Variants in GALNTL6 observed in about 807,000 individuals in gnomAD.
The protein encoded by GALNTL6 is polypeptide N-acetylgalactosaminyltransferase-like 6.
Under a neutral mutation model 73.7 loss-of-function variants are expected in GALNTL6, and 46 were observed. The ratio of observed to expected loss-of-function variants is 0.62; its 90% CI spans 0.49 to 0.80. GALNTL6 has a LOEUF of 0.80. GALNTL6 is among the 30% of genes least tolerant of loss of function. The pLI is 0.00. For synonymous variants in GALNTL6, 259 were observed against 263.7 expected, an observed-to-expected ratio of 0.98 and a Z score of 0.17; for missense variants, 604 against 755.0, an observed-to-expected ratio of 0.80 and a Z score of 2.34.
Position 172,508,867 on chromosome 4 carries a change from A to G in GALNTL6, c.553+160178A>G, listed in dbSNP as rs1325684462. Among the ~76,000 whole-genome samples, 10 of 40,334 alleles carry G rather than the reference A, an allele frequency of 2.5e-4. 5 individuals are homozygous for G. Among genetic ancestry groups the G allele is most frequent in the African/African-American group, 3.7e-4 (6 of 16,174 alleles). The allele number at this position is 40,334 out of a possible 152,430, so 26.5% of individuals were successfully genotyped here. On this transcript the variant is annotated intron_variant, in intron 5 of 12. Coordinates refer to ENST00000506823, the MANE Select transcript of GALNTL6 (RefSeq NM_001034845.3). ...AATTGTGAATTGTGCTGCTATAAACATGTGTGTGTGTCTTTTTTGTATAAT... is the reference window on the plus strand; with the variant it reads ...AATTGTGAATTGTGCTGCTATAAACGTGTGTGTGTGTCTTTTTTGTATAAT...
chr4:171,978,079 T>A (rs1263840475), intron 2 of GALNTL6, among the ~76,000 whole-genome samples: 1 of 152,126 alleles, frequency 6.6e-6, no homozygotes, highest in East Asian at 1.9e-4. Context: ...CTAATATACA[T>A]TATGTTGGCA....
chr4:172,718,943 A>T (rs1029726303), intron 5 of GALNTL6, among the ~76,000 whole-genome samples: 2 of 151,714 alleles, frequency 1.3e-5, no homozygotes, highest in Non-Finnish European at 2.9e-5. Flanking sequence ...AAGTGTTTGT[A>T]AAAACAACTC....
At chr4:172,554,278 A>G (rs932586598) in intron 5 of GALNTL6, among the ~76,000 whole-genome samples, 1 of 152,160 alleles carries the variant, frequency 6.6e-6, no homozygotes, top group Non-Finnish European at 1.5e-5. Context: ...CTCATGAACT[A>G]TATTGGTGAA....
At chr4:171,904,191 A>G (rs969656485) in intron 2 of GALNTL6, among the ~76,000 whole-genome samples, 13 of 152,152 alleles carry the variant, frequency 8.5e-5, no homozygotes, top group African/African-American at 2.9e-4. Flanking sequence ...CGATCAAATT[A>G]CTCCAAGCTA....
intron 5 of GALNTL6, among the ~76,000 whole-genome samples, chr4:172,587,467 A>G (rs377096076): frequency 4.6e-5 from 7 of 152,148 alleles, no homozygotes; most frequent in African/African-American, 1.7e-4. Context: ...ACATATTGTG[A>G]TGGCTTGTCT....
chr4:172,485,759 G>T (rs144951150), intron 5 of GALNTL6, among the ~76,000 whole-genome samples: 312 of 152,190 alleles, frequency 2.1e-3, no homozygotes, highest in Middle Eastern at 6.8e-3. Context: ...TGCAGTACTA[G>T]CATTTCATTT....
intron 2 of GALNTL6, among the ~76,000 whole-genome samples, chr4:172,158,797 T>A (rs1734364575): frequency 6.6e-6 from 1 of 152,192 alleles, no homozygotes; most frequent in Non-Finnish European, 1.5e-5. Flanking sequence ...GGAAGTTTTT[T>A]TCTGTGCAAA....
chr4:172,984,688 G>A (rs960056575), intron 10 of GALNTL6, among the ~76,000 whole-genome samples: 12 of 152,054 alleles, frequency 7.9e-5, no homozygotes, highest in Non-Finnish European at 2.9e-5. Flanking sequence ...TGGGTGACAG[G>A]ATCAGTAGAA....
At chr4:172,638,431 C>A (rs903112503) in intron 5 of GALNTL6, among the ~76,000 whole-genome samples, 2 of 152,116 alleles carry the variant, frequency 1.3e-5, no homozygotes, top group Non-Finnish European at 1.5e-5. Flanking sequence ...AGAATTCAAG[C>A]CTCATTAGTT....
intron 5 of GALNTL6, among the ~76,000 whole-genome samples, chr4:172,456,133 A>T (rs1426989157): frequency 1.3e-5 from 2 of 152,190 alleles, no homozygotes; most frequent in Non-Finnish European, 2.9e-5. Context: ...GAAAACTAAC[A>T]AACAGAAAGG....
intron 5 of GALNTL6, among the ~76,000 whole-genome samples, chr4:172,382,086 CA>C (rs1197872786): frequency 6.6e-6 from 1 of 152,192 alleles, no homozygotes; most frequent in Non-Finnish European, 1.5e-5. Flanking sequence ...TCTCCTGCCT[CA>C]GGCTCCCAAG....
intron 2 of GALNTL6, among the ~76,000 whole-genome samples, chr4:171,927,310 A>G (rs1738015335): frequency 6.6e-6 from 1 of 152,104 alleles, no homozygotes; most frequent in Admixed American, 6.6e-5. Flanking sequence ...GTTTTTTAGA[A>G]GAAGAGTCAG....
chr4:172,193,116 C>G (rs1241980766), intron 2 of GALNTL6, among the ~76,000 whole-genome samples: 2 of 152,208 alleles, frequency 1.3e-5, no homozygotes, highest in Non-Finnish European at 2.9e-5. Context: ...TCCAGGCAGT[C>G]CAGATGAGAG....
At chr4:173,025,717 C>A (rs1019774812) in intron 12 of GALNTL6, among the ~76,000 whole-genome samples, 7 of 152,172 alleles carry the variant, frequency 4.6e-5, no homozygotes, top group Non-Finnish European at 8.8e-5. Context: ...CATCTGGATC[C>A]TTCACAACCT....
chr4:172,676,893 C>G (rs1207264214), intron 5 of GALNTL6, among the ~76,000 whole-genome samples: 4 of 152,224 alleles, frequency 2.6e-5, no homozygotes, highest in Admixed American at 2.6e-4. Context: ...TCTAACATTT[C>G]TGAGTTTAAG....
At chr4:171,880,054 C>T (rs2110909676) in intron 2 of GALNTL6, among the ~76,000 whole-genome samples, 1 of 152,264 alleles carries the variant, frequency 6.6e-6, no homozygotes, top group African/African-American at 2.4e-5. Context: ...TCAGTAACAT[C>T]ATCCAAAACC....
rs1735913659 is a variant in GALNTL6, at chr4:172,550,410, T to C, written c.553+201721T>C. ...AAGTTATAGTTTCCTCATTAGTGAG[T>C]TTGAGCATCTGTTTAGAAGTTTGTT... On this transcript the variant is annotated intron_variant, in intron 5 of 12. Coordinates refer to ENST00000506823, the MANE Select transcript of GALNTL6 (RefSeq NM_001034845.3). Among the ~76,000 whole-genome samples the C allele has an allele frequency of 2.0e-5, 3 of 152,108 alleles. No homozygotes were observed. In the South Asian group the frequency reaches 6.2e-4, roughly 32 times the overall value.
At chr4:171,860,163 A>C (rs940096175) in intron 2 of GALNTL6, among the ~76,000 whole-genome samples, 3 of 152,230 alleles carry the variant, frequency 2.0e-5, no homozygotes, top group Non-Finnish European at 4.4e-5. Flanking sequence ...GAATGTGTCA[A>C]GCCCTGTTCA....
chr4:172,887,195 T>C (rs1247548325), intron 8 of GALNTL6, among the ~76,000 whole-genome samples: 2 of 152,232 alleles, frequency 1.3e-5, no homozygotes. Flanking sequence ...AAGTATTCCA[T>C]GGTGTATATG....
Sources: gnomAD v4.1 joint callset for allele counts (sites outside exome capture counted in the v4.1 genomes callset) on GRCh38, gnomAD v4.1.1 for gene constraint, MANE v1.5 for transcripts, NCBI Gene and HGNC (gene_info 2026-07-23, HGNC 2026-07-21) for gene names.